The following CRLF2 variants were observed in gnomAD, a reference collection of about 807,000 sequenced individuals.
The protein encoded by CRLF2 is cytokine receptor-like factor 2.
CRLF2 carries 41 observed loss-of-function variants against 38.7 expected under a neutral mutation model. The ratio of observed to expected loss-of-function variants is 1.06; its 90% CI spans 0.83 to 1.37. The LOEUF (loss-of-function observed/expected upper bound fraction) is 1.37, where lower values mean the gene tolerates loss of function less well. Ranked by LOEUF, CRLF2 falls within the 40% of genes most tolerant of loss-of-function variation. The probability of loss-of-function intolerance (pLI) is 0.00; values close to 1 mark genes in which losing one functional copy is unlikely to be tolerated. For synonymous variants in CRLF2, 140 were observed against 128.8 expected (o/e 1.09, Z -0.59); for missense variants, 377 against 322.2 (o/e 1.17, Z -1.30).
At chrX:1,208,568 C>G (rs1156234205) in intron 2 of CRLF2, among the ~76,000 whole-genome samples, 2 of 151,890 alleles carry the variant, frequency 1.3e-5, no homozygotes, top group Non-Finnish European at 2.9e-5. Context: ...AAAATAAAAA[C>G]AAACAAAAAA....
At chrX:1,211,403 A>G (rs866210303) in intron 1 of CRLF2, among the ~76,000 whole-genome samples, 1 of 45,322 alleles carries the variant, frequency 2.2e-5, no homozygotes, top group Non-Finnish European at 4.7e-5. Flanking sequence ...ATGGATGGAT[A>G]AGTGGATAAA....
At chrX:1,191,496 A>C (rs1356724425) in intron 7 of CRLF2, among the ~76,000 whole-genome samples, 3 of 151,464 alleles carry the variant, frequency 2.0e-5, no homozygotes, top group African/African-American at 7.3e-5. Flanking sequence ...TGGGGCATCC[A>C]GGAGCTCTGA....
intron 3 of CRLF2, among the ~76,000 whole-genome samples, chrX:1,203,896 C>T (rs1188440904): frequency 6.6e-6 from 1 of 152,026 alleles, no homozygotes; most frequent in East Asian, 1.9e-4. Context: ...CAAACAGATC[C>T]GTTTCCCCTA....
intron 7 of CRLF2, among the ~76,000 whole-genome samples, chrX:1,192,002 G>C (rs1386954464): frequency 2.1e-5 from 3 of 144,206 alleles, no homozygotes; most frequent in African/African-American, 7.5e-5. Flanking sequence ...TGAGGAGATC[G>C]AGACCATCCC....
chrX:1,205,213 T>G (rs1251143060), intron 3 of CRLF2, among the ~76,000 whole-genome samples: 4 of 151,960 alleles, frequency 2.6e-5, no homozygotes, highest in African/African-American at 9.7e-5. Flanking sequence ...AGTGTGCGTG[T>G]AAGAGGGAAC....
At position 1,196,887 on chromosome X, in the gene CRLF2, C is replaced by A. The variant is rs199680740; in HGVS notation, c.660G>T (p.Glu220Asp). Reference protein sequence around the residue: ...QRGEIRDACAETPTPPKPKLS... With the variant: ...QRGEIRDACADTPTPPKPKLS... ...GCTTTGGTTTGGGAGGCGTTGGTGT[C>A]TCTGCACAGGCATCTGAAACAAAAT... is the stretch of plus-strand genomic sequence containing the variant. Residue 220 changes from glutamate to aspartate, a missense_variant, in exon 6 of 8, where the codon GAG becomes GAT. By Grantham distance (45) the Glu-to-Asp change is conservative. Transcript: ENST00000400841. 1,161 of 1,613,470 alleles carry A rather than the reference C, an allele frequency of 7.2e-4. No individual in the cohort carries two copies. Among genetic ancestry groups the A allele is most frequent in the Non-Finnish European group, 8.5e-4 (1,003 of 1,179,648 alleles).
In CRLF2 at chrX:1,191,551, G is replaced by A. The variant is rs1329677435; in HGVS notation, c.853-391C>T. 3.5e-3 allele frequency among the ~76,000 whole-genome samples: 514 copies of A among 145,660 alleles called. 2 individuals are homozygous for A. The highest frequency in any genetic ancestry group is 5.3e-3 in the Non-Finnish European group (355 of 66,572). ...CAAAAATAAATTTTTTTTTTTTTGA[G>A]ACGGCATTTCGCTCTTGTTTCCCAG... On this transcript the variant is annotated intron_variant, in intron 7 of 7. Coordinates refer to ENST00000400841, the MANE Select transcript of CRLF2 (RefSeq NM_022148.4).
chrX:1,196,614 C>T (rs1231848289), intron 6 of CRLF2, among the ~76,000 whole-genome samples, 166 bp downstream of exon 6: 1 of 151,966 alleles, frequency 6.6e-6, no homozygotes, highest in Non-Finnish European at 1.5e-5. Flanking sequence ...AGCCACCATG[C>T]CCAGCCCCTC....
At chrX:1,191,182 C>G (rs2086366742) in intron 7 of CRLF2, 22 bp from the exon 8 acceptor site, 2 of 398,570 alleles carry the variant, frequency 5.0e-6, no homozygotes, top group African/African-American at 4.1e-5. Context: ...AACATTCTAG[C>G]TCAAACACAG....
At chrX:1,203,327 C>T (rs777429975) in intron 3 of CRLF2, among the ~76,000 whole-genome samples, 223 of 150,572 alleles carry the variant, frequency 1.5e-3, no homozygotes, top group Middle Eastern at 6.9e-3. Flanking sequence ...ATGCCTGGAG[C>T]CCCCAGGAGC....
intron 4 of CRLF2, among the ~76,000 whole-genome samples, chrX:1,199,462 G>A (rs1183334719): frequency 6.6e-6 from 1 of 151,906 alleles, no homozygotes; most frequent in African/African-American, 2.4e-5. Context: ...CACCATGCTT[G>A]GCTAATTTTT....
intron 5 of CRLF2, among the ~76,000 whole-genome samples, chrX:1,197,110 T>TTTTGTG (rs1491440516): frequency 6.7e-6 from 1 of 148,658 alleles, no homozygotes. Flanking sequence ...TTTTTTTTTT[T>TTTTGTG]GAGACAGAAC....
rs2086438834 is a variant in CRLF2 at position 1,194,023 on chromosome X, G to T, written c.768-721C>A. Among the ~76,000 whole-genome samples, 8 of 152,104 alleles carry T rather than the reference G, an allele frequency of 5.3e-5. No individual in the cohort carries two copies. The South Asian group carries it at 1.7e-3, about 32-fold the overall frequency. On this transcript the variant is annotated intron_variant, in intron 6 of 7. Transcript: ENST00000400841. ...GCCTGTAATCCCAGCTACTTGGGAT[G>T]CTGAGGCAGGAGAATCGCTTGAACC...
Position 1,212,418 on chromosome X carries a change from G to A in CRLF2, c.79+138C>T, listed in dbSNP as rs866017457. ...GAGGCAGGAGAATTGCTTGAACCCG[G>A]AAAAAAAAAAAAAAAAAAAAGAAAA... is the stretch of plus-strand genomic sequence containing the variant. On this transcript the variant is annotated intron_variant, in intron 1 of 7. Coordinates refer to ENST00000400841, the MANE Select transcript of CRLF2 (RefSeq NM_022148.4). 1,955 of 430,584 alleles carry A rather than the reference G, an allele frequency of 4.5e-3. 42 individuals are homozygous for A. The highest frequency in any genetic ancestry group is 0.042 in the African/African-American group (1,610 of 37,968). The allele number at this position is 430,584 out of a possible 1,614,324, so 26.7% of individuals were successfully genotyped here.
intron 6 of CRLF2, 110 bp from the exon 7 acceptor site, chrX:1,193,412 C>A: frequency 5.0e-6 from 2 of 396,584 alleles, no homozygotes; most frequent in East Asian, 7.2e-5. Context: ...AATGGCAGAG[C>A]GGGGCCTTCC....
At chrX:1,207,554 ACCC>A (rs202050512) in intron 2 of CRLF2, among the ~76,000 whole-genome samples, 1 of 109,492 alleles carries the variant, frequency 9.1e-6, no homozygotes, top group African/African-American at 3.6e-5. Flanking sequence ...ATGAGCCAAC[ACCC>A]CCCCCAAGAA....
At chrX:1,197,268 T>C (rs1273284428) in intron 5 of CRLF2, among the ~76,000 whole-genome samples, 2 of 149,264 alleles carry the variant, frequency 1.3e-5, no homozygotes, top group African/African-American at 4.9e-5. Flanking sequence ...AATTTTTGTA[T>C]TTTTAGTAGA....
chrX:1,201,872 C>T (rs2086614645), intron 4 of CRLF2, among the ~76,000 whole-genome samples: 1 of 151,220 alleles, frequency 6.6e-6, no homozygotes, highest in African/African-American at 2.4e-5. Flanking sequence ...GAAGATTGAC[C>T]ATACATAGAT....
intron 1 of CRLF2, 37 bp from the exon 2 acceptor site, chrX:1,208,945 C>T (rs1462885226): frequency 8.9e-7 from 1 of 1,124,066 alleles, no homozygotes; most frequent in Non-Finnish European, 1.3e-6. Context: ...CACGGTGAGG[C>T]AACTCTATTT....
Sources: gnomAD v4.1 joint callset for allele counts (sites outside exome capture counted in the v4.1 genomes callset) on GRCh38, gnomAD v4.1.1 for gene constraint, MANE v1.5 for transcripts, NCBI Gene and HGNC (gene_info 2026-07-23, HGNC 2026-07-21) for gene names.